CDH11: variants seen among roughly 807,000 people sequenced by gnomAD.
CDH11 encodes the protein cadherin-11.
CDH11 carries 11 observed loss-of-function variants against 67.8 expected under a neutral mutation model. The observed-to-expected ratio is 0.16, with a 90% CI of 0.10 to 0.27. The LOEUF is 0.27. Among genes scored for constraint, CDH11 ranks in the 10% least tolerant of loss-of-function variants. The pLI, the probability that CDH11 is intolerant of heterozygous loss-of-function variation, is 1.00. For synonymous variants in CDH11, 419 were observed against 400.0 expected (o/e 1.05, Z -0.57); for missense variants, 847 against 1,031.2 (o/e 0.82, Z 2.45).
intron 1 of CDH11, among the ~76,000 whole-genome samples, chr16:65,102,460 T>A (rs958809182): frequency 5.3e-5 from 8 of 152,208 alleles, no homozygotes; most frequent in Non-Finnish European, 1.0e-4. Context: ...CTTTGGAGAA[T>A]CCCAATAAAT....
At chr16:65,092,950 T>G (rs1035200338) in intron 1 of CDH11, among the ~76,000 whole-genome samples, 27 of 151,068 alleles carry the variant, frequency 1.8e-4, no homozygotes, top group African/African-American at 6.6e-4. Context: ...TTTTTTTTTT[T>G]TTTTTTGATG....
At chr16:65,079,093 A>T (rs1341296994) in intron 1 of CDH11, among the ~76,000 whole-genome samples, 4 of 152,180 alleles carry the variant, frequency 2.6e-5, no homozygotes, top group African/African-American at 9.7e-5. Flanking sequence ...CCCATTCAGG[A>T]AGAAACTATT....
chr16:65,122,589 C>A (rs992183336), upstream of CDH11, among the ~76,000 whole-genome samples: 7 of 152,200 alleles, frequency 4.6e-5, no homozygotes, highest in Non-Finnish European at 8.8e-5. Context: ...TTCTTTCTCA[C>A]TCCACCACCC....
chr16:65,122,390 G>C (rs755403710), upstream of CDH11: 1 of 199,022 alleles, frequency 5.0e-6, no homozygotes, highest in Non-Finnish European at 1.0e-5. Flanking sequence ...TGGGCTCCAG[G>C]GACGCACAGC....
chr16:65,075,861 G>T (rs1051756366), intron 1 of CDH11, among the ~76,000 whole-genome samples: 1 of 152,176 alleles, frequency 6.6e-6, no homozygotes, highest in African/African-American at 2.4e-5. Flanking sequence ...ATAAATGATT[G>T]TGTTTTCTTC....
rs1163143249 is a variant in CDH11 at position 64,946,333 on chromosome 16, T to C, written c.*1270A>G. The C allele has an allele frequency of 5.2e-5, 54 of 1,041,758 alleles. No homozygotes were observed. The highest frequency in any genetic ancestry group is 4.3e-4 in the Middle Eastern group (1 of 2,310). The allele number at this position is 1,041,758 out of a possible 1,614,324, so 64.5% of individuals were successfully genotyped here. On this transcript the variant is annotated 3_prime_UTR_variant, in exon 13 of 13. Transcript: ENST00000268603. ...CTGGGCAAATTTATATTTTTGACTC[T>C]AGTCCCCCAGTTCCCCAGTGCTCAG...
intron 1 of CDH11, among the ~76,000 whole-genome samples, chr16:65,091,312 T>G (rs914402017): frequency 1.3e-5 from 2 of 152,234 alleles, no homozygotes; most frequent in Admixed American, 6.5e-5. Context: ...ACCTATTTAT[T>G]TAGTATTAAT....
In CDH11 at chr16:64,982,097, C is replaced by T. The variant is rs752553856; in HGVS notation, c.1204G>A (p.Val402Ile). 1 of 1,614,028 alleles carries T rather than the reference C, an allele frequency of 6.2e-7. No individual in the cohort carries two copies. The highest frequency in any genetic ancestry group is 8.5e-7 in the Non-Finnish European group (1 of 1,179,948). ...VQENAAAGTV[V>I]GRVHAKDPDA... ...GGGTCTTTGGCATGCACTCTCCCAA[C>T]CACGGTGCCAGCAGCTGCATTTTCT... Residue 402 changes from valine to isoleucine, a missense_variant, in exon 8 of 13, where the codon GTT becomes ATT. Physicochemically the swap from Val to Ile is conservative, Grantham distance 29. This residue lies in a region of CDH11 where 612 missense variants were observed against 678.7 expected (regional missense o/e 0.90). Coordinates refer to ENST00000268603, the MANE Select transcript of CDH11 (RefSeq NM_001797.4).
intron 2 of CDH11, among the ~76,000 whole-genome samples, chr16:65,040,309 T>C (rs1414789683): frequency 6.6e-6 from 1 of 152,190 alleles, no homozygotes; most frequent in Non-Finnish European, 1.5e-5. Flanking sequence ...CCAACCCAAA[T>C]GTCCAACAAT....
intron 2 of CDH11, among the ~76,000 whole-genome samples, chr16:65,028,233 C>T (rs539745078): frequency 9.9e-5 from 15 of 152,116 alleles, no homozygotes; most frequent in Non-Finnish European, 1.5e-4. Context: ...TTTGATTGCT[C>T]GGGGCTTTGA....
chr16:65,013,535 GA>G (rs1228811636), intron 2 of CDH11, among the ~76,000 whole-genome samples: 2 of 152,044 alleles, frequency 1.3e-5, no homozygotes, highest in Admixed American at 6.6e-5. Flanking sequence ...TTAAAAATGG[GA>G]AAAACCCAGC....
At position 65,121,863 on chromosome 16, in the gene CDH11, C is replaced by A. The variant is rs2075337708; in HGVS notation, c.-298+17G>T. On this transcript the variant is annotated intron_variant, in intron 1 of 12. Coordinates refer to ENST00000268603, the MANE Select transcript of CDH11 (RefSeq NM_001797.4). This position sits in a 1 kb window ranked among gnomAD's most constrained non-coding sequence, Gnocchi z 4.1. ...GCCCCAACCAGGCGAGAGGAAGGGA[C>A]TGGCGGCGCACCTCACCTGGGGCCC... 1 of 701,862 alleles carries A rather than the reference C, an allele frequency of 1.4e-6. No individual in the cohort carries two copies. The highest frequency in any genetic ancestry group is 2.6e-6 in the Non-Finnish European group (1 of 384,638). 43.5% of individuals were successfully genotyped at this position (701,862 alleles called of 1,614,324 possible).
chr16:64,957,763 C>T (rs1338771441), intron 11 of CDH11, among the ~76,000 whole-genome samples: 1 of 152,028 alleles, frequency 6.6e-6, no homozygotes, highest in African/African-American at 2.4e-5. Flanking sequence ...ATAGATGACA[C>T]ACAACTACAA....
intron 2 of CDH11, among the ~76,000 whole-genome samples, chr16:65,045,723 C>T (rs553374902): frequency 1.3e-5 from 2 of 152,102 alleles, no homozygotes; most frequent in Non-Finnish European, 1.5e-5. Flanking sequence ...TCAGTAAATA[C>T]GTGTTTAATG....
chr16:65,057,975 C>T (rs1369616514), intron 1 of CDH11, among the ~76,000 whole-genome samples: 2 of 152,146 alleles, frequency 1.3e-5, no homozygotes. Flanking sequence ...TGGCTCATGC[C>T]TGTAATCCCA....
rs1456728003 is a variant in CDH11 at position 64,947,564 on chromosome 16, C to CCAGACA, written c.*33_*38dup. On this transcript the variant is annotated 3_prime_UTR_variant, in exon 13 of 13. Transcript: ENST00000268603. ...CACATCTTCTAGATTCTTGAGAACG[C>CCAGACA]CAGACACAGTTCTTAAGGCCAAATT... The CCAGACA allele has an allele frequency of 3.2e-6, 5 of 1,574,406 alleles. No individual in the cohort carries two copies. The highest frequency in any genetic ancestry group is 4.3e-6 in the Non-Finnish European group (5 of 1,158,896).
intron 4 of CDH11, among the ~76,000 whole-genome samples, chr16:64,996,142 A>G (rs1326279355): frequency 6.6e-6 from 1 of 152,142 alleles, no homozygotes; most frequent in Non-Finnish European, 1.5e-5. Flanking sequence ...GCTGGTTGGA[A>G]TGTACATTAG....
chr16:64,996,724 T>C (rs181648464), intron 4 of CDH11, among the ~76,000 whole-genome samples: 2 of 152,256 alleles, frequency 1.3e-5, no homozygotes, highest in East Asian at 1.9e-4. Context: ...GCATGAATAA[T>C]ATCATGCCTT....
chr16:65,121,836 A>G lies in CDH11; in HGVS notation c.-298+44T>C. On this transcript the variant is annotated intron_variant, in intron 1 of 12. Transcript: ENST00000268603. The surrounding 1 kb of genome is among the most constrained non-coding windows in gnomAD (Gnocchi z 4.1). ...AGAAAATCCTGCCCCCCATTCCAAG[A>G]AGCCCCAACCAGGCGAGAGGAAGGG... 1.4e-6 allele frequency: 1 copy of G among 701,500 alleles called. No homozygotes were observed. Among genetic ancestry groups the G allele is most frequent in the Non-Finnish European group, 2.6e-6 (1 of 384,380 alleles). The allele number at this position is 701,500 out of a possible 1,614,324, so 43.5% of individuals were successfully genotyped here.
Sources: allele counts gnomAD v4.1 joint callset (sites outside exome capture counted in the v4.1 genomes callset), GRCh38; gene constraint gnomAD v4.1.1; regional missense constraint gnomAD v4.1.1; non-coding constraint Gnocchi (gnomAD v3.1); transcripts MANE v1.5; gene names NCBI Gene and HGNC (gene_info 2026-07-23, HGNC 2026-07-21).